Variants in MAP2K6 observed in about 807,000 individuals in gnomAD.
MAP2K6 encodes the protein mitogen-activated protein kinase kinase 6.
In MAP2K6, 16 loss-of-function variants were observed where a neutral mutation model predicts 53.7. That is an observed-to-expected ratio of 0.30 (90% CI 0.20 to 0.45). The LOEUF (loss-of-function observed/expected upper bound fraction) is 0.45. MAP2K6 is among the 20% of genes least tolerant of loss of function. The pLI is 1.00. For missense variants in MAP2K6, 204 were observed against 411.9 expected (o/e 0.50, Z 4.37); for synonymous variants, 132 against 143.1 (o/e 0.92, Z 0.55).
intron 1 of MAP2K6, among the ~76,000 whole-genome samples, chr17:69,469,284 C>T (rs139420071): frequency 6.6e-6 from 1 of 152,354 alleles, no homozygotes; most frequent in East Asian, 1.9e-4. Flanking sequence ...CTTTTAAGGA[C>T]TATTTTGAGC....
chr17:69,449,503 T>TTCTTTTTTCTTTCTTTCTTAG (rs1567821587), intron 1 of MAP2K6, among the ~76,000 whole-genome samples: 2 of 136,452 alleles, frequency 1.5e-5, no homozygotes, highest in Non-Finnish European at 3.2e-5. Flanking sequence ...TCTTTCTTTT[T>TTCTTTTTTCTTTCTTTCTTAG]TCTTTCTTTC....
intron 1 of MAP2K6, among the ~76,000 whole-genome samples, chr17:69,498,385 T>C (rs1432187394): frequency 1.3e-5 from 2 of 152,056 alleles, no homozygotes; most frequent in Non-Finnish European, 2.9e-5. Flanking sequence ...CTTGTGAAAC[T>C]TAAAAAAATA....
Position 69,505,766 on chromosome 17 carries a change from G to A in MAP2K6, c.17-14G>A. 6.2e-7 allele frequency: 1 copy of A among 1,611,050 alleles called. No homozygotes were observed. Among genetic ancestry groups the A allele is most frequent in the Non-Finnish European group, 8.5e-7 (1 of 1,177,424 alleles). ...ATTTAGTCCTTAACTTTTTCCTTTT[G>A]TCTTTCCCCATAGGCAAGAAGCGAA... On this transcript the variant is annotated splice_polypyrimidine_tract_variant and intron_variant, in intron 1 of 11. Coordinates refer to ENST00000590474, the MANE Select transcript of MAP2K6 (RefSeq NM_002758.4).
intron 1 of MAP2K6, among the ~76,000 whole-genome samples, chr17:69,501,477 A>G (rs1361084774): frequency 6.6e-6 from 1 of 152,096 alleles, no homozygotes; most frequent in African/African-American, 2.4e-5. Flanking sequence ...GGCCTGGTAA[A>G]TATTTTCTAA....
chr17:69,531,697 A>G (rs958317015), intron 10 of MAP2K6, among the ~76,000 whole-genome samples: 7 of 152,158 alleles, frequency 4.6e-5, no homozygotes, highest in Non-Finnish European at 8.8e-5. Flanking sequence ...CAAACCCACA[A>G]TGGTTTCTTA....
At chr17:69,444,067 T>G (rs1906898777) in intron 1 of MAP2K6, among the ~76,000 whole-genome samples, 1 of 152,216 alleles carries the variant, frequency 6.6e-6, no homozygotes, top group Admixed American at 6.5e-5. Flanking sequence ...ATGCTCTTCT[T>G]CTAACATCCC....
intron 1 of MAP2K6, among the ~76,000 whole-genome samples, chr17:69,501,334 G>A (rs1313738888): frequency 1.3e-5 from 2 of 152,086 alleles, no homozygotes; most frequent in African/African-American, 4.8e-5. Context: ...GGTTGGCAGT[G>A]GAACATAATC....
chr17:69,508,618 A>G (rs1292745929), intron 2 of MAP2K6, among the ~76,000 whole-genome samples: 1 of 152,212 alleles, frequency 6.6e-6, no homozygotes, highest in African/African-American at 2.4e-5. Context: ...TGCTTTTAGC[A>G]GGGTCTTTCA....
chr17:69,531,419 G>A (rs1911080364), intron 10 of MAP2K6, among the ~76,000 whole-genome samples: 2 of 152,134 alleles, frequency 1.3e-5, no homozygotes, highest in African/African-American at 4.8e-5. Flanking sequence ...TCACCATGTT[G>A]CAAGGTACCA....
chr17:69,445,651 T>C (rs1276030270), intron 1 of MAP2K6, among the ~76,000 whole-genome samples: 1 of 152,234 alleles, frequency 6.6e-6, no homozygotes, highest in Non-Finnish European at 1.5e-5. Context: ...CTCCATTTTT[T>C]TTTTAAATAT....
intron 1 of MAP2K6, among the ~76,000 whole-genome samples, chr17:69,430,924 T>C (rs1479703414): frequency 6.6e-6 from 1 of 152,200 alleles, no homozygotes; most frequent in African/African-American, 2.4e-5. Flanking sequence ...ATCAGGGGGA[T>C]GTAGAGCGAC....
intron 1 of MAP2K6, among the ~76,000 whole-genome samples, chr17:69,460,362 C>A (rs138138687): frequency 6.6e-6 from 1 of 152,148 alleles, no homozygotes; most frequent in Admixed American, 6.6e-5. Flanking sequence ...AGGTATTTAA[C>A]GCACTGCAGA....
intron 1 of MAP2K6, among the ~76,000 whole-genome samples, chr17:69,416,805 G>A (rs1478109878): frequency 6.6e-6 from 1 of 151,992 alleles, no homozygotes; most frequent in Admixed American, 6.5e-5. Flanking sequence ...TTGGGGGATA[G>A]TCAGGAAGGT....
At chr17:69,513,374 C>T (rs1411972749) in intron 2 of MAP2K6, among the ~76,000 whole-genome samples, 1 of 152,324 alleles carries the variant, frequency 6.6e-6, no homozygotes, top group Non-Finnish European at 1.5e-5. Context: ...CCTCTTTCTC[C>T]TCCTTAAATC....
intron 1 of MAP2K6, among the ~76,000 whole-genome samples, chr17:69,460,679 C>T (rs911062174): frequency 6.6e-6 from 1 of 152,160 alleles, no homozygotes; most frequent in South Asian, 2.1e-4. Flanking sequence ...TGGCTCACTG[C>T]AGCCTTGACC....
chr17:69,522,966 C>T (rs969777795), intron 7 of MAP2K6, among the ~76,000 whole-genome samples: 36 of 151,092 alleles, frequency 2.4e-4, no homozygotes, highest in Admixed American at 2.1e-3. Flanking sequence ...GAGACTGAGG[C>T]GGGAGGATGA....
At chr17:69,483,213 C>A (rs998774229) in intron 1 of MAP2K6, among the ~76,000 whole-genome samples, 1 of 151,602 alleles carries the variant, frequency 6.6e-6, no homozygotes, top group South Asian at 2.1e-4. Flanking sequence ...TCTAAGGAAC[C>A]CACTAAGAAA....
chr17:69,455,725 G>A (rs569390761), intron 1 of MAP2K6, among the ~76,000 whole-genome samples: 5 of 151,770 alleles, frequency 3.3e-5, no homozygotes, highest in Admixed American at 6.6e-5. Context: ...TTTTCCCTCC[G>A]CCCTTAACCC....
chr17:69,519,867 C>T (rs1685483214), intron 5 of MAP2K6: 2 of 221,174 alleles, frequency 9.0e-6, no homozygotes, highest in South Asian at 1.6e-4. Flanking sequence ...TGAGGCTTCA[C>T]CTCATTAAAA....
Sources: allele counts gnomAD v4.1 joint callset (sites outside exome capture counted in the v4.1 genomes callset), GRCh38; gene constraint gnomAD v4.1.1; transcripts MANE v1.5; gene names NCBI Gene and HGNC (gene_info 2026-07-23, HGNC 2026-07-21).